The following PTPRM variants were observed in gnomAD, a reference collection of about 807,000 sequenced individuals.
PTPRM encodes receptor-type tyrosine-protein phosphatase mu.
PTPRM carries 47 observed loss-of-function variants against 186.7 expected under a neutral mutation model. The observed-to-expected ratio is 0.25, with a 90% CI of 0.20 to 0.32. PTPRM has a LOEUF of 0.32. Among genes scored for constraint, PTPRM ranks in the 10% least tolerant of loss-of-function variants. The probability of loss-of-function intolerance (pLI) is 1.00; values close to 1 mark genes in which losing one functional copy is unlikely to be tolerated. For missense variants in PTPRM, 1,494 were observed against 1,865.0 expected, an observed-to-expected ratio of 0.80 and a Z score of 3.66; for synonymous variants, 668 against 674.9, an observed-to-expected ratio of 0.99 and a Z score of 0.16.
chr18:7,926,479 A>G (rs1384112693), intron 4 of PTPRM, 89 bp from the exon 5 acceptor site: 2 of 934,676 alleles, frequency 2.1e-6, no homozygotes, highest in Non-Finnish European at 3.0e-6. Flanking sequence ...ACAAAATTGA[A>G]AGGCCAAAAA....
At chr18:8,333,894 C>T (rs2095424884) in intron 22 of PTPRM, among the ~76,000 whole-genome samples, 9 of 152,208 alleles carry the variant, frequency 5.9e-5, no homozygotes, top group Admixed American at 5.9e-4. Flanking sequence ...CAGAACCACG[C>T]TAGAAACAAA....
chr18:7,715,124 C>A (rs751616796), intron 1 of PTPRM, among the ~76,000 whole-genome samples: 9 of 152,104 alleles, frequency 5.9e-5, no homozygotes, highest in Non-Finnish European at 1.3e-4. Flanking sequence ...TAATGACAAA[C>A]CAAATCCAGC....
At chr18:7,898,761 T>C (rs2049504717) in intron 3 of PTPRM, among the ~76,000 whole-genome samples, 2 of 152,232 alleles carry the variant, frequency 1.3e-5, no homozygotes. Context: ...ATCTGGGCGT[T>C]ATCAGCAAAA....
intron 1 of PTPRM, among the ~76,000 whole-genome samples, chr18:7,578,942 C>CT (rs2143465188): frequency 6.6e-6 from 1 of 152,258 alleles, no homozygotes; most frequent in Admixed American, 6.5e-5. Flanking sequence ...GAACCCTGTG[C>CT]TTTCATAAGT....
At chr18:8,151,256 T>A (rs2092999813) in intron 14 of PTPRM, among the ~76,000 whole-genome samples, 1 of 151,698 alleles carries the variant, frequency 6.6e-6, no homozygotes, top group African/African-American at 2.4e-5. Context: ...AGGTGCTTCG[T>A]CCCAGGGAGG....
chr18:8,403,739 C>T (rs1490963000), intron 32 of PTPRM: 1 of 152,232 alleles, frequency 6.6e-6, no homozygotes, highest in African/African-American at 2.4e-5. Flanking sequence ...TTACCCACTT[C>T]CAGGCTCTGG....
At chr18:7,570,537 A>G (rs2036542140) in intron 1 of PTPRM, among the ~76,000 whole-genome samples, 2 of 152,240 alleles carry the variant, frequency 1.3e-5, no homozygotes, top group South Asian at 2.1e-4. Flanking sequence ...TCATTTGCAC[A>G]TATTCAAATT....
intron 22 of PTPRM, among the ~76,000 whole-genome samples, chr18:8,330,137 C>T (rs1183333065): frequency 2.0e-5 from 3 of 152,142 alleles, no homozygotes; most frequent in Non-Finnish European, 4.4e-5. Context: ...CTTCTCCACC[C>T]CTACCCCATT....
At chr18:8,118,425 C>T (rs943127835) in intron 13 of PTPRM, among the ~76,000 whole-genome samples, 1 of 152,130 alleles carries the variant, frequency 6.6e-6, no homozygotes, top group Non-Finnish European at 1.5e-5. Context: ...CAAGCTTGTA[C>T]AACCCATGGC....
chr18:7,943,033 C>G (rs1159820830), intron 5 of PTPRM, among the ~76,000 whole-genome samples: 1 of 152,108 alleles, frequency 6.6e-6, no homozygotes, highest in African/African-American at 2.4e-5. Flanking sequence ...AGGCTTGTAT[C>G]TTTTTCCCTC....
At chr18:7,977,473 C>T (rs2055032855) in intron 7 of PTPRM, among the ~76,000 whole-genome samples, 1 of 152,062 alleles carries the variant, frequency 6.6e-6, no homozygotes, top group Admixed American at 6.6e-5. Flanking sequence ...GCACCGATGG[C>T]CTTTGTTCTG....
rs1250869575 is a variant in PTPRM, at chr18:7,568,596, C to G, written c.73+705C>G. ...CTGCGCCCCGCTGGGCTCCCCCTCC[C>G]CACCCTCGTCCCCCTAGCGGAGCGC... is the stretch of plus-strand genomic sequence containing the variant. On this transcript the variant is annotated intron_variant, in intron 1 of 32. Coordinates refer to ENST00000580170, the MANE Select transcript of PTPRM (RefSeq NM_001105244.2). The surrounding 1 kb of genome is among the most constrained non-coding windows in gnomAD (Gnocchi z 5.1). 6.6e-6 allele frequency among the ~76,000 whole-genome samples: 1 copy of G among 152,188 alleles called. No individual in the cohort carries two copies. Among genetic ancestry groups the G allele is most frequent in the Non-Finnish European group, 1.5e-5 (1 of 68,012 alleles).
intron 2 of PTPRM, among the ~76,000 whole-genome samples, chr18:7,813,366 G>A (rs184039949): frequency 4.1e-4 from 62 of 152,352 alleles, no homozygotes; most frequent in Non-Finnish European, 8.1e-4. Context: ...CCGGTAGCCA[G>A]TAAGACTATT....
intron 1 of PTPRM, among the ~76,000 whole-genome samples, chr18:7,578,928 A>C (rs778773274): frequency 3.6e-4 from 55 of 152,312 alleles, no homozygotes; most frequent in African/African-American, 8.9e-4. Context: ...AGATTTAAGC[A>C]TAGGAACCCT....
At chr18:8,184,643 C>G (rs534956793) in intron 14 of PTPRM, among the ~76,000 whole-genome samples, 26 of 152,320 alleles carry the variant, frequency 1.7e-4, no homozygotes, top group South Asian at 4.1e-4. Flanking sequence ...ACAATTTGCC[C>G]TAATCTATAA....
At chr18:8,048,884 T>C (rs1221671601) in intron 7 of PTPRM, among the ~76,000 whole-genome samples, 1 of 152,238 alleles carries the variant, frequency 6.6e-6, no homozygotes, top group African/African-American at 2.4e-5. Flanking sequence ...ATTACTTCTG[T>C]AGCAAAGAGT....
intron 23 of PTPRM, among the ~76,000 whole-genome samples, chr18:8,355,459 G>A (rs1568816659): frequency 6.6e-6 from 1 of 152,082 alleles, no homozygotes; most frequent in Non-Finnish European, 1.5e-5. Flanking sequence ...TAGGGAATGG[G>A]GATTCTAGGG....
chr18:8,180,159 G>A (rs758870843), intron 14 of PTPRM, among the ~76,000 whole-genome samples: 10 of 152,168 alleles, frequency 6.6e-5, no homozygotes, highest in Admixed American at 1.3e-4. Context: ...TATGGAGGTT[G>A]AACACCTGCA....
rs1231890628 is a variant in PTPRM at position 7,721,271 on chromosome 18, T to G, written c.74-52878T>G. Reference sequence around the variant, plus strand: ...TATTCTTTTTGGCCATTTGTATATCTTCTTTGGAGGAATGTCTATTCAAGT... The same window carrying G: ...TATTCTTTTTGGCCATTTGTATATCGTCTTTGGAGGAATGTCTATTCAAGT... On this transcript the variant is annotated intron_variant, in intron 1 of 32. Coordinates refer to ENST00000580170, the MANE Select transcript of PTPRM (RefSeq NM_001105244.2). Among the ~76,000 whole-genome samples the G allele has an allele frequency of 9.9e-5, 15 of 152,210 alleles. No individual in the cohort carries two copies. The South Asian group carries it at 3.1e-3, about 32-fold the overall frequency.
Sources: allele counts gnomAD v4.1 joint callset (sites outside exome capture counted in the v4.1 genomes callset), GRCh38; gene constraint gnomAD v4.1.1; non-coding constraint Gnocchi (gnomAD v3.1); transcripts MANE v1.5; gene names NCBI Gene and HGNC (gene_info 2026-07-23, HGNC 2026-07-21).